Variants in TIA1 observed in about 807,000 individuals in gnomAD.
TIA1 encodes cytotoxic granule associated RNA binding protein TIA1.
In TIA1, 23 loss-of-function variants were observed where a neutral mutation model predicts 65.9. That is an observed-to-expected ratio of 0.35 (90% CI 0.25 to 0.49). The LOEUF (loss-of-function observed/expected upper bound fraction) is 0.49, where lower values mean the gene tolerates loss of function less well. Ranked by LOEUF, TIA1 falls within the 20% of genes least tolerant of loss-of-function variation. The pLI is 0.98. For synonymous variants in TIA1, 147 were observed against 149.4 expected (o/e 0.98, Z 0.12); for missense variants, 371 against 477.9 (o/e 0.78, Z 2.09).
intron 1 of TIA1, among the ~76,000 whole-genome samples, chr2:70,242,778 C>T (rs993554820): frequency 6.5e-4 from 99 of 152,164 alleles, no homozygotes; most frequent in Non-Finnish European, 1.2e-3. Flanking sequence ...AGATCAGCAG[C>T]ATTTGTGAAC....
chr2:70,245,570 T>C (rs1693916590), intron 1 of TIA1, among the ~76,000 whole-genome samples: 2 of 152,210 alleles, frequency 1.3e-5, no homozygotes, highest in Non-Finnish European at 2.9e-5. Flanking sequence ...TTTATTTTTT[T>C]ACTGTGGAAA....
intron 2 of TIA1, among the ~76,000 whole-genome samples, chr2:70,231,952 CA>C (rs1316009024): frequency 6.6e-6 from 1 of 152,072 alleles, no homozygotes; most frequent in Non-Finnish European, 1.5e-5. Flanking sequence ...CCTGTAATCC[CA>C]GCACTTCGAG....
At chr2:70,244,508 T>C (rs1428469131) in intron 1 of TIA1, among the ~76,000 whole-genome samples, 2 of 152,162 alleles carry the variant, frequency 1.3e-5, no homozygotes, top group Admixed American at 6.6e-5. Context: ...ATAAGTATTA[T>C]CTAATAAATA....
chr2:70,221,850 C>T (rs1490709671), intron 7 of TIA1, among the ~76,000 whole-genome samples: 1 of 151,644 alleles, frequency 6.6e-6, no homozygotes, highest in African/African-American at 2.4e-5. Context: ...TGCAGTGGTG[C>T]AATCTCAGCT....
At chr2:70,242,857 G>A (rs1184393705) in intron 1 of TIA1, among the ~76,000 whole-genome samples, 1 of 151,984 alleles carries the variant, frequency 6.6e-6, no homozygotes, top group Non-Finnish European at 1.5e-5. Context: ...GCTCTGAGGT[G>A]GAACAGTTTC....
intron 7 of TIA1, chr2:70,217,202 C>T (rs144485410): frequency 3.8e-4 from 133 of 346,788 alleles, no homozygotes; most frequent in African/African-American, 2.5e-3. Flanking sequence ...GATAGAGTCT[C>T]GCTCTGTCAC....
At position 70,216,132 on chromosome 2, in the gene TIA1, T is replaced by C. The variant is rs1262101155; in HGVS notation, c.764+76A>G. On this transcript the variant is annotated intron_variant, in intron 10 of 12. Transcript: ENST00000433529. The stretch of plus-strand genomic sequence containing the variant: ...TCAAAAAATATTTTGGAGGAAAAAG[T>C]TTTTTATTTTTATTTATTTTCTGGT... 6 of 1,208,590 alleles carry C rather than the reference T, an allele frequency of 5.0e-6. No individual in the cohort carries two copies. The South Asian group carries it at 7.5e-5, about 15-fold the overall frequency. 74.9% of individuals were successfully genotyped at this position (1,208,590 alleles called of 1,614,324 possible). A position where few individuals can be genotyped will look rare whatever the true frequency, so the allele number is the denominator to read the frequency against.
chr2:70,215,502 AAAC>A lies in TIA1; in HGVS notation c.765-11_765-9del, dbSNP rs766923806. On this transcript the variant is annotated splice_polypyrimidine_tract_variant and intron_variant, in intron 10 of 12. Coordinates refer to ENST00000433529, the MANE Select transcript of TIA1 (RefSeq NM_022173.4). ...CTTTCATGGGAATTGAACCTATTGA[AAAC>A]AATATTAAGAATCACCAATACAAAT... is the stretch of plus-strand genomic sequence containing the variant. The A allele has an allele frequency of 6.2e-7, 1 of 1,604,046 alleles. No individual in the cohort carries two copies. The highest frequency in any genetic ancestry group is 8.5e-7 in the Non-Finnish European group (1 of 1,174,924).
At chr2:70,228,844 C>T in intron 5 of TIA1, 1 of 1,423,782 alleles carries the variant, frequency 7.0e-7, no homozygotes. Context: ...GCATCAGCTG[C>T]TACCAAACGG....
intron 7 of TIA1, among the ~76,000 whole-genome samples, chr2:70,220,861 G>A (rs1680977501): frequency 6.6e-6 from 1 of 151,606 alleles, no homozygotes; most frequent in Non-Finnish European, 1.5e-5. Flanking sequence ...ATAAACAGTG[G>A]TTTTGATTAA....
intron 5 of TIA1, 101 bp from the exon 6 acceptor site, chr2:70,227,923 CT>C: frequency 1.5e-6 from 1 of 680,664 alleles, no homozygotes; most frequent in Non-Finnish European, 2.4e-6. Flanking sequence ...ATGATTATGG[CT>C]TATGATAAAG....
Position 70,230,790 on chromosome 2 carries a change from A to G in TIA1, c.188T>C (p.Leu63Ser), listed in dbSNP as rs2104450188. ...TATCTTCCGTCCATTCATAGCAGCTAATGCTGCAGCTGCATGACGATGCTC... is the reference window on the plus strand; with the variant it reads ...TATCTTCCGTCCATTCATAGCAGCTGATGCTGCAGCTGCATGACGATGCTC... ...FHEHRHAAAA[L>S]AAMNGRKIMG... is the part of the protein sequence containing the mutation. The change falls in exon 3 of 13, where the codon TTA (leucine) becomes TCA (serine). Residue 63 changes from leucine (L) to serine (S), a missense_variant. By Grantham distance (145) the Leu-to-Ser change is moderately radical. Coordinates refer to ENST00000433529, the MANE Select transcript of TIA1 (RefSeq NM_022173.4). 1.2e-6 allele frequency: 2 copies of G among 1,612,280 alleles called. No homozygotes were observed. The highest frequency in any genetic ancestry group is 1.7e-6 in the Non-Finnish European group (2 of 1,179,230).
At chr2:70,214,302 T>G in intron 12 of TIA1, 47 bp downstream of exon 12, 1 of 1,556,314 alleles carries the variant, frequency 6.4e-7, no homozygotes, top group Middle Eastern at 2.0e-4. Flanking sequence ...TAAAATTTCT[T>G]TAGACATTTT....
At chr2:70,225,085 C>T in intron 6 of TIA1, 1 of 990,744 alleles carries the variant, frequency 1.0e-6, no homozygotes, top group South Asian at 3.8e-5. Flanking sequence ...ATTCCCTAAA[C>T]TAATTAAACT....
intron 2 of TIA1, among the ~76,000 whole-genome samples, chr2:70,235,797 A>T (rs185085843): frequency 3.8e-4 from 58 of 151,894 alleles, no homozygotes; most frequent in African/African-American, 1.3e-3. Context: ...GAAAGAGCCC[A>T]TATATATGTT....
intron 1 of TIA1, among the ~76,000 whole-genome samples, chr2:70,245,829 T>C (rs1694035639): frequency 6.6e-6 from 1 of 152,120 alleles, no homozygotes; most frequent in South Asian, 2.1e-4. Context: ...GTGAGCCATT[T>C]AGGTATGTGG....
Position 70,212,646 on chromosome 2 carries a change from C to G in TIA1, c.*73G>C. 1 of 895,096 alleles carries G rather than the reference C, an allele frequency of 1.1e-6. No homozygotes were observed. Among genetic ancestry groups the G allele is most frequent in the Non-Finnish European group, 1.9e-6 (1 of 530,094 alleles). The allele number at this position is 895,096 out of a possible 1,614,324, so 55.4% of individuals were successfully genotyped here. A position where few individuals can be genotyped will look rare whatever the true frequency, so the allele number is the denominator to read the frequency against. On this transcript the variant is annotated 3_prime_UTR_variant, in exon 13 of 13. Coordinates refer to ENST00000433529, the MANE Select transcript of TIA1 (RefSeq NM_022173.4). ...ATTTGCACTGACTGATTTGATAAAT[C>G]TTTAAGTAAACAACGGCTTTACTAC... is the stretch of plus-strand genomic sequence containing the variant.
At chr2:70,225,511 A>G (rs2104318978) in intron 6 of TIA1, 1 of 1,080,502 alleles carries the variant, frequency 9.3e-7, no homozygotes, top group Middle Eastern at 2.4e-4. Context: ...ATCTGCTTTT[A>G]AGTTAGTCAG....
Position 70,229,454 on chromosome 2 carries a change from C to T in TIA1, c.223-136G>A, listed in dbSNP as rs2706768. 0.46 allele frequency: 318,391 copies of T among 689,670 alleles called. 81,168 individuals carry two copies. The highest frequency in any genetic ancestry group is 0.88 in the African/African-American group (48,840 of 55,694). 42.7% of individuals were successfully genotyped at this position (689,670 alleles called of 1,614,324 possible). ...GATACCAGCTCTGGTCAAGTTTCAA[C>T]ACTTAATCTTCTGACCTACATTTAG... is the stretch of plus-strand genomic sequence containing the variant. On this transcript the variant is annotated intron_variant, in intron 3 of 12. Transcript: ENST00000433529.
Sources: allele counts gnomAD v4.1 joint callset (sites outside exome capture counted in the v4.1 genomes callset), GRCh38; gene constraint gnomAD v4.1.1; transcripts MANE v1.5; gene names NCBI Gene and HGNC (gene_info 2026-07-23, HGNC 2026-07-21).